Variants in FIP1L1 observed in about 807,000 individuals in gnomAD.
The protein encoded by FIP1L1 is factor interacting with PAPOLA and CPSF1.
FIP1L1 carries 21 observed loss-of-function variants against 84.6 expected under a neutral mutation model. That is an observed-to-expected ratio of 0.25 (90% CI 0.18 to 0.36). FIP1L1 has a LOEUF of 0.36. Among genes scored for constraint, FIP1L1 ranks in the 10% least tolerant of loss-of-function variants. The pLI is 1.00. For missense variants in FIP1L1, 526 were observed against 751.1 expected, an observed-to-expected ratio of 0.70 and a Z score of 3.50; for synonymous variants, 263 against 242.3, an observed-to-expected ratio of 1.09 and a Z score of -0.80.
At position 53,391,128 on chromosome 4, in the gene FIP1L1, A is replaced by G. The variant is rs759538433; in HGVS notation, c.625A>G (p.Asn209Asp). ...LEVIPVTSTTNKITAEDCTME... is the reference protein window; with the variant it reads ...LEVIPVTSTTDKITAEDCTME... ...AGTTATACCAGTAACCTCTACTACA[A>G]ATAAAATTACGGTAATTAATAAATA... The change falls in exon 8 of 18, where the codon AAT becomes GAT. Residue 209 changes from asparagine (N) to aspartate (D), a missense_variant. By Grantham distance (23) the Asn-to-Asp change is conservative (BLOSUM62 1). This residue lies in a region of FIP1L1 where 169 missense variants were observed against 206.9 expected (regional missense o/e 0.82). Coordinates refer to ENST00000337488, the MANE Select transcript of FIP1L1 (RefSeq NM_030917.4). 2 of 1,599,894 alleles carry G rather than the reference A, an allele frequency of 1.3e-6. No homozygotes were observed. The highest frequency in any genetic ancestry group is 1.7e-6 in the Non-Finnish European group (2 of 1,176,266).
rs762780968 is a variant in FIP1L1 at position 53,452,936 on chromosome 4, T to A, written c.1302T>A (p.Leu434=). The A allele has an allele frequency of 6.2e-7, 1 of 1,612,844 alleles. No homozygotes were observed. Among genetic ancestry groups the A allele is most frequent in the South Asian group, 1.1e-5 (1 of 91,008 alleles). ...TTTCTTTAGTTGCCTTTCCCCATCT[T>A]CCTGGTTCTGCTCCTTCGTGGCCTA... ...FPYGNVAFPH[L]PGSAPSWPSL... The change falls in exon 16 of 18, where the codon CTT becomes CTA. Residue 434 remains leucine (L), a synonymous_variant. Coordinates refer to ENST00000337488, the MANE Select transcript of FIP1L1 (RefSeq NM_030917.4).
chr4:53,390,216 A>G (rs1236348948), intron 6 of FIP1L1, among the ~76,000 whole-genome samples: 1 of 152,084 alleles, frequency 6.6e-6, no homozygotes. Context: ...TTGGGATTCC[A>G]TGTGTGAGCC....
intron 4 of FIP1L1, among the ~76,000 whole-genome samples, chr4:53,382,719 C>T (rs1738751284): frequency 6.6e-6 from 1 of 152,212 alleles, no homozygotes; most frequent in Admixed American, 6.5e-5. Flanking sequence ...TGCATGCCTG[C>T]ATGCCATTGA....
intron 12 of FIP1L1, 134 bp downstream of exon 12, chr4:53,426,099 A>G (rs1764228013): frequency 6.1e-6 from 3 of 493,066 alleles, no homozygotes; most frequent in Non-Finnish European, 1.1e-5. Flanking sequence ...ATGTGAAGCC[A>G]GTCATTTATT....
chr4:53,459,232 G>C, intron 17 of FIP1L1, 70 bp from the exon 18 acceptor site: 1 of 1,087,250 alleles, frequency 9.2e-7, no homozygotes, highest in Non-Finnish European at 1.3e-6. Context: ...TTTCCTTAGA[G>C]TGATTGGATT....
At chr4:53,423,820 A>G (rs1763324316) in intron 11 of FIP1L1, among the ~76,000 whole-genome samples, 1 of 152,204 alleles carries the variant, frequency 6.6e-6, no homozygotes, top group African/African-American at 2.4e-5. Flanking sequence ...TTAGTGATTA[A>G]AAACAATCAA....
chr4:53,448,127 AG>A (rs1774979110), intron 15 of FIP1L1, among the ~76,000 whole-genome samples: 1 of 152,024 alleles, frequency 6.6e-6, no homozygotes, highest in African/African-American at 2.4e-5. Flanking sequence ...TTTTCCTCCC[AG>A]AAAAAGTTTT....
intron 9 of FIP1L1, among the ~76,000 whole-genome samples, chr4:53,396,075 C>T (rs1005731125): frequency 2.0e-5 from 3 of 152,028 alleles, no homozygotes; most frequent in African/African-American, 7.2e-5. Flanking sequence ...TATACCACCA[C>T]ATCTGTATGT....
chr4:53,443,066 G>T (rs541681139), intron 14 of FIP1L1, among the ~76,000 whole-genome samples: 1 of 152,072 alleles, frequency 6.6e-6, no homozygotes, highest in East Asian at 1.9e-4. Context: ...GGATAAAGTA[G>T]GGAAAACTAT....
chr4:53,459,295 TTTC>T lies in FIP1L1; in HGVS notation c.1638-6_1638-4del. ...AACACACCTTTTTTTTTTTTTTTTT[TTTC>T]CAGTAATAGTAGACGTCGCCATGAA... On this transcript the variant is annotated splice_region_variant and splice_polypyrimidine_tract_variant and intron_variant, in intron 17 of 17. Transcript: ENST00000337488. 2 of 1,501,816 alleles carry T rather than the reference TTTC, an allele frequency of 1.3e-6. No homozygotes were observed. The highest frequency in any genetic ancestry group is 1.8e-6 in the Non-Finnish European group (2 of 1,124,588). 93.0% of individuals were successfully genotyped at this position (1,501,816 alleles called of 1,614,324 possible).
chr4:53,377,764 C>T lies in FIP1L1; in HGVS notation c.-75C>T. On this transcript the variant is annotated 5_prime_UTR_variant, in exon 1 of 18. Coordinates refer to ENST00000337488, the MANE Select transcript of FIP1L1 (RefSeq NM_030917.4). ...CGGCGGGTTCGCGCCCTTCTCGCGC[C>T]TCGGGGCTGCGAGGCTGGGGAAGGG... The T allele has an allele frequency of 5.1e-6, 7 of 1,375,176 alleles. No individual in the cohort carries two copies. Among genetic ancestry groups the T allele is most frequent in the Non-Finnish European group, 6.8e-6 (7 of 1,034,368 alleles). The allele number at this position is 1,375,176 out of a possible 1,614,324, so 85.2% of individuals were successfully genotyped here.
intron 9 of FIP1L1, 87 bp downstream of exon 9, chr4:53,391,585 G>A: frequency 1.1e-6 from 1 of 933,574 alleles, no homozygotes; most frequent in Non-Finnish European, 1.7e-6. Context: ...CAAGATTAAA[G>A]TGGAAATAGC....
At chr4:53,392,946 T>C (rs1217651298) in intron 9 of FIP1L1, among the ~76,000 whole-genome samples, 4 of 152,214 alleles carry the variant, frequency 2.6e-5, no homozygotes, top group Non-Finnish European at 5.9e-5. Flanking sequence ...AATACTAATA[T>C]GTTTGGTAGA....
At chr4:53,405,736 T>G (rs577545496) in intron 10 of FIP1L1, among the ~76,000 whole-genome samples, 1 of 149,770 alleles carries the variant, frequency 6.7e-6, no homozygotes, top group Non-Finnish European at 1.5e-5. Flanking sequence ...CCCTTGTAAG[T>G]TGGATTCCTA....
intron 15 of FIP1L1, among the ~76,000 whole-genome samples, chr4:53,448,677 G>A (rs1274943677): frequency 6.6e-6 from 1 of 152,126 alleles, no homozygotes; most frequent in African/African-American, 2.4e-5. Flanking sequence ...CCTGGCTTCA[G>A]AGTCCTTGCT....
chr4:53,426,378 C>T (rs1490105776), intron 12 of FIP1L1, among the ~76,000 whole-genome samples: 1 of 152,022 alleles, frequency 6.6e-6, no homozygotes, highest in Non-Finnish European at 1.5e-5. Context: ...TTATGATAAT[C>T]TTTTTTCCTT....
At chr4:53,439,078 T>C (rs1770770769) in intron 13 of FIP1L1, among the ~76,000 whole-genome samples, 1 of 152,122 alleles carries the variant, frequency 6.6e-6, no homozygotes. Context: ...TGAAGTTAAG[T>C]AGTGTCCGTA....
chr4:53,396,061 G>C (rs1047713050), intron 9 of FIP1L1, among the ~76,000 whole-genome samples: 1 of 152,042 alleles, frequency 6.6e-6, no homozygotes. Flanking sequence ...TGGGATTACA[G>C]GTGTATACCA....
At chr4:53,418,038 T>G (rs1269956255) in intron 11 of FIP1L1, among the ~76,000 whole-genome samples, 1 of 152,156 alleles carries the variant, frequency 6.6e-6, no homozygotes, top group Non-Finnish European at 1.5e-5. Flanking sequence ...CCTGTAATCC[T>G]GGCACTTTGG....
Sources: gnomAD v4.1 joint callset for allele counts (sites outside exome capture counted in the v4.1 genomes callset) on GRCh38, gnomAD v4.1.1 for gene constraint, gnomAD v4.1.1 regional missense constraint, MANE v1.5 for transcripts, NCBI Gene and HGNC (gene_info 2026-07-23, HGNC 2026-07-21) for gene names.